Variants in ZCCHC10 observed in about 807,000 individuals in gnomAD.
The protein encoded by ZCCHC10 is zinc finger CCHC-type containing 10, also known as zinc finger CCHC domain-containing protein 10.
Under a neutral mutation model 19.5 loss-of-function variants are expected in ZCCHC10, and 16 were observed. The observed-to-expected ratio is 0.82, with a 90% CI of 0.56 to 1.25. The LOEUF is 1.25. Ranked by LOEUF, ZCCHC10 falls within the 50% of genes most tolerant of loss-of-function variation. The pLI is 0.00. For missense variants in ZCCHC10, 197 were observed against 201.0 expected (o/e 0.98, Z 0.12); for synonymous variants, 67 against 72.5 (o/e 0.92, Z 0.38).
At chr5:133,013,494 C>T (rs1157653469) in intron 2 of ZCCHC10, among the ~76,000 whole-genome samples, 5 of 151,952 alleles carry the variant, frequency 3.3e-5, no homozygotes, top group Non-Finnish European at 7.4e-5. Context: ...AAGGCTGAGG[C>T]GGGCAGATCA....
chr5:133,019,205 T>TAA (rs567363428), intron 2 of ZCCHC10: 868 of 265,192 alleles, frequency 3.3e-3, no homozygotes, highest in South Asian at 5.7e-3. Context: ...ACACTGTCTC[T>TAA]AAAAAAAAAA....
chr5:133,014,984 A>G (rs1448532052), intron 2 of ZCCHC10, among the ~76,000 whole-genome samples: 1 of 152,072 alleles, frequency 6.6e-6, no homozygotes, highest in Non-Finnish European at 1.5e-5. Context: ...GTATCCTATC[A>G]GGTTAACATA....
At chr5:132,999,249 A>C (rs1222962203) in intron 4 of ZCCHC10, among the ~76,000 whole-genome samples, 1 of 152,160 alleles carries the variant, frequency 6.6e-6, no homozygotes, top group East Asian at 1.9e-4. Flanking sequence ...GATTCCATAT[A>C]TATGCTTATA....
At chr5:133,000,613 CTA>C (rs1239786651) in intron 3 of ZCCHC10, among the ~76,000 whole-genome samples, 26 of 149,786 alleles carry the variant, frequency 1.7e-4, no homozygotes, top group African/African-American at 6.4e-4. Flanking sequence ...TTTAAAATAA[CTA>C]TTTCTTTTTC....
chr5:133,015,782 CTG>C (rs776349123), intron 2 of ZCCHC10, among the ~76,000 whole-genome samples: 31 of 152,164 alleles, frequency 2.0e-4, no homozygotes, highest in Non-Finnish European at 3.4e-4. Context: ...CCCAGGGAAA[CTG>C]TGAATTGATA....
intron 3 of ZCCHC10, 110 bp downstream of exon 3, chr5:133,006,649 A>G: frequency 9.3e-7 from 1 of 1,069,798 alleles, no homozygotes; most frequent in Non-Finnish European, 1.3e-6. Flanking sequence ...ATTAAACATT[A>G]GTAACATTAT....
At position 133,003,109 on chromosome 5, in the gene ZCCHC10, G is replaced by A. The variant is rs1402854650; in HGVS notation, c.270-2936C>T. Reference sequence around the variant, plus strand: ...GTCTCCTTTCCAGTTGGAGGCTTCTGCTGCAAACATTCTCCGCCAGATCAT... The same window carrying A: ...GTCTCCTTTCCAGTTGGAGGCTTCTACTGCAAACATTCTCCGCCAGATCAT... On this transcript the variant is annotated intron_variant, in intron 3 of 4. Coordinates refer to ENST00000509437, the MANE Select transcript of ZCCHC10 (RefSeq NM_001300816.3). 9 of 292,160 alleles carry A rather than the reference G, an allele frequency of 3.1e-5. No homozygotes were observed. In the Admixed American group the frequency reaches 3.3e-4, roughly 11 times the overall value. 18.1% of individuals were successfully genotyped at this position (292,160 alleles called of 1,614,324 possible).
chr5:133,021,901 C>G (rs1421937390), intron 2 of ZCCHC10, among the ~76,000 whole-genome samples: 1 of 151,606 alleles, frequency 6.6e-6, no homozygotes. Flanking sequence ...TATAGTGATT[C>G]TCCTGCCTCA....
chr5:133,013,389 CTAAAAA>C (rs1198333264), intron 2 of ZCCHC10, among the ~76,000 whole-genome samples: 1 of 151,822 alleles, frequency 6.6e-6, no homozygotes, highest in Non-Finnish European at 1.5e-5. Context: ...CCCAGAAAGA[CTAAAAA>C]TAAAAACTAG....
At chr5:133,019,516 C>A (rs981899222) in intron 2 of ZCCHC10, among the ~76,000 whole-genome samples, 9 of 151,958 alleles carry the variant, frequency 5.9e-5, no homozygotes, top group African/African-American at 2.2e-4. Flanking sequence ...GACACACTTG[C>A]CATATTGGCA....
chr5:133,026,233 G>A (rs982789006), intron 1 of ZCCHC10, among the ~76,000 whole-genome samples: 2 of 152,206 alleles, frequency 1.3e-5, no homozygotes, highest in Non-Finnish European at 2.9e-5. Flanking sequence ...AACTGTGGGC[G>A]TTCCTTTCAG....
At chr5:133,003,656 G>C (rs1762918381) in intron 3 of ZCCHC10, among the ~76,000 whole-genome samples, 1 of 151,358 alleles carries the variant, frequency 6.6e-6, no homozygotes, top group African/African-American at 2.4e-5. Flanking sequence ...GCATTTGGCT[G>C]ATAGTATAAA....
intron 2 of ZCCHC10, among the ~76,000 whole-genome samples, chr5:133,018,274 T>A (rs553044428): frequency 6.6e-6 from 1 of 152,020 alleles, no homozygotes; most frequent in Non-Finnish European, 1.5e-5. Context: ...TTTACTCTTT[T>A]ACTACATAGC....
chr5:133,003,402 G>T, intron 3 of ZCCHC10: 1 of 249,490 alleles, frequency 4.0e-6, no homozygotes, highest in South Asian at 4.4e-5. Context: ...TTAGAATGAA[G>T]GTCTTCCAGA....
chr5:133,003,365 A>C (rs10040499), intron 3 of ZCCHC10: 76,198 of 350,642 alleles, frequency 0.22, 8,946 homozygotes, highest in Non-Finnish European at 0.25. Flanking sequence ...CAGATTTCTA[A>C]ATGAAATGTT....
chr5:132,999,998 T>C (rs1038999291), intron 4 of ZCCHC10, 134 bp downstream of exon 4: 4 of 901,610 alleles, frequency 4.4e-6, no homozygotes, highest in Admixed American at 2.5e-5. Context: ...TCCACCCACC[T>C]TGGCCTCCCA....
chr5:133,006,173 T>C (rs1763109408), intron 3 of ZCCHC10, among the ~76,000 whole-genome samples: 1 of 147,274 alleles, frequency 6.8e-6, no homozygotes, highest in Non-Finnish European at 1.5e-5. Flanking sequence ...TTAGTAGGGA[T>C]GGAATTTCAC....
At chr5:133,019,779 A>G (rs1009913866) in intron 2 of ZCCHC10, among the ~76,000 whole-genome samples, 1 of 151,588 alleles carries the variant, frequency 6.6e-6, no homozygotes, top group African/African-American at 2.4e-5. Flanking sequence ...ACATGGTAAA[A>G]CCCGTCTCTA....
rs528708835 is a variant in ZCCHC10 at position 133,004,431 on chromosome 5, C to T, written c.269+2328G>A. ...TCAGGTGATCCACCCGCCTTGGCCT[C>T]CCAAAGTGCTGGGATTACAGGCATG... On this transcript the variant is annotated intron_variant, in intron 3 of 4. Coordinates refer to ENST00000509437, the MANE Select transcript of ZCCHC10 (RefSeq NM_001300816.3). 1.8e-3 allele frequency among the ~76,000 whole-genome samples: 268 copies of T among 152,314 alleles called. 1 individual carries two copies. Among genetic ancestry groups the T allele is most frequent in the African/African-American group, 6.2e-3 (258 of 41,580 alleles).
Sources: gnomAD v4.1 joint callset for allele counts (sites outside exome capture counted in the v4.1 genomes callset) on GRCh38, gnomAD v4.1.1 for gene constraint, MANE v1.5 for transcripts, NCBI Gene and HGNC (gene_info 2026-07-23, HGNC 2026-07-21) for gene names.